CRELD1: variants seen among roughly 807,000 people sequenced by gnomAD.
CRELD1 encodes the protein protein disulfide isomerase CRELD1.
Under a neutral mutation model 58.2 loss-of-function variants are expected in CRELD1, and 42 were observed. The observed-to-expected ratio is 0.72, with a 90% CI of 0.56 to 0.93. CRELD1 has a LOEUF of 0.93. Among genes scored for constraint, CRELD1 ranks in the 40% least tolerant of loss-of-function variants. CRELD1 has a pLI of 0.00. For missense variants in CRELD1, 500 were observed against 540.6 expected (o/e 0.92, Z 0.74); for synonymous variants, 222 against 202.0 (o/e 1.10, Z -0.84).
At chr3:9,937,972 C>T in intron 4 of CRELD1, 43 bp from the exon 5 acceptor site, 1 of 1,383,116 alleles carries the variant, frequency 7.2e-7, no homozygotes. Context: ...GACACTATCT[C>T]AGCACCTCCT....
At chr3:9,940,541 G>A (rs975670298) in intron 5 of CRELD1, among the ~76,000 whole-genome samples, 8 of 151,860 alleles carry the variant, frequency 5.3e-5, no homozygotes, top group Non-Finnish European at 8.8e-5. Context: ...GGTGGCGCGC[G>A]CCTGCAATCG....
intron 3 of CRELD1, chr3:9,936,132 C>T (rs558453959): frequency 6.6e-6 from 1 of 152,144 alleles, no homozygotes; most frequent in Non-Finnish European, 1.5e-5. Context: ...GGTTCTTAAC[C>T]TCTCAGAGCC....
At chr3:9,940,001 G>A (rs1048247739) in intron 5 of CRELD1, among the ~76,000 whole-genome samples, 2 of 151,818 alleles carry the variant, frequency 1.3e-5, no homozygotes, top group African/African-American at 2.4e-5. Context: ...CTGGCTGCCC[G>A]GCGGAGACAC....
At chr3:9,937,701 T>C (rs2085234725) in intron 4 of CRELD1, 29 bp downstream of exon 4, 1 of 1,501,848 alleles carries the variant, frequency 6.7e-7, no homozygotes, top group Non-Finnish European at 9.2e-7. Flanking sequence ...TCCCTGGAAG[T>C]GGGTCACAGG....
chr3:9,933,838 T>A lies in CRELD1; in HGVS notation c.-102T>A, dbSNP rs981604824. 1 of 529,274 alleles carries A rather than the reference T, an allele frequency of 1.9e-6. No homozygotes were observed. The highest frequency in any genetic ancestry group is 3.3e-6 in the Non-Finnish European group (1 of 300,982). The allele number at this position is 529,274 out of a possible 1,614,324, so 32.8% of individuals were successfully genotyped here. On this transcript the variant is annotated 5_prime_UTR_variant, in exon 1 of 11. Coordinates refer to ENST00000452070, the MANE Select transcript of CRELD1 (RefSeq NM_001077415.3). ...TGGGGGTTGTGCGTTTTACGCAGGC[T>A]GTGGCAGCGACGCGGTGAGGAGACG...
rs537953382 is a variant in CRELD1 at position 9,939,073 on chromosome 3, G to C, written c.460+967G>C. 1.1e-4 allele frequency among the ~76,000 whole-genome samples: 16 copies of C among 151,852 alleles called. No individual in the cohort carries two copies. The South Asian group carries it at 1.2e-3, about 12-fold the overall frequency. On this transcript the variant is annotated intron_variant, in intron 5 of 10. Transcript: ENST00000452070. ...AGGTGGGAGGATTGCTTGAGCCCAG[G>C]AGTTCGAAGCTGCAGTGAGCTATGA... is the stretch of plus-strand genomic sequence containing the variant.
intron 5 of CRELD1, among the ~76,000 whole-genome samples, chr3:9,939,430 T>C (rs1380598214): frequency 6.6e-6 from 1 of 152,182 alleles, no homozygotes; most frequent in Non-Finnish European, 1.5e-5. Flanking sequence ...GGTCAGCAGA[T>C]AAACAAGTGA....
Position 9,942,902 on chromosome 3 carries a change from T to C in CRELD1, c.817+6T>C. 1 of 1,612,582 alleles carries C rather than the reference T, an allele frequency of 6.2e-7. No individual in the cohort carries two copies. Among genetic ancestry groups the C allele is most frequent in the Non-Finnish European group, 8.5e-7 (1 of 1,178,604 alleles). ...GGGCTCCTATGAGTGCCGAGGTCAG[T>C]GTCTACTTCTGCAGAGGAGGGGACG... On this transcript the variant is annotated splice_donor_region_variant and intron_variant, in intron 8 of 10. Transcript: ENST00000452070.
At chr3:9,940,424 G>A (rs1289485078) in intron 5 of CRELD1, among the ~76,000 whole-genome samples, 5 of 152,064 alleles carry the variant, frequency 3.3e-5, no homozygotes, top group African/African-American at 4.8e-5. Flanking sequence ...CCGGCACCTC[G>A]GGAGGCCGAG....
rs1438320553 is a variant in CRELD1 at position 9,943,903 on chromosome 3, T to G, written c.1048+388T>G. 1 of 1,597,254 alleles carries G rather than the reference T, an allele frequency of 6.3e-7. No individual in the cohort carries two copies. The highest frequency in any genetic ancestry group is 1.3e-5 in the African/African-American group (1 of 74,676). ...TTACTGTGTCAGATGCTGTTCTAGG[T>G]GCATTCCCCATCTTAACTGATTTAA... On this transcript the variant is annotated intron_variant, in intron 10 of 10. Transcript: ENST00000452070.
At chr3:9,935,016 T>G in intron 3 of CRELD1, 99 bp downstream of exon 3, 2 of 987,740 alleles carry the variant, frequency 2.0e-6, no homozygotes, top group Non-Finnish European at 3.0e-6. Context: ...ACTTATTCAT[T>G]CAACAAATAG....
At position 9,944,593 on chromosome 3, in the gene CRELD1, C is replaced by A. The variant is rs985603222; in HGVS notation, c.*14C>A. 6.3e-7 allele frequency: 1 copy of A among 1,587,662 alleles called. No homozygotes were observed. Among genetic ancestry groups the A allele is most frequent in the South Asian group, 1.1e-5 (1 of 89,706 alleles). Reference sequence around the variant, plus strand: ...AAGGGCAGATAATCGCGGCCACCACCTGTAGGACCTCCTCCCACCCACGCT... The same window carrying A: ...AAGGGCAGATAATCGCGGCCACCACATGTAGGACCTCCTCCCACCCACGCT... On this transcript the variant is annotated 3_prime_UTR_variant, in exon 11 of 11. Transcript: ENST00000452070.
At chr3:9,937,731 C>T (rs2085235447) in intron 4 of CRELD1, 59 bp downstream of exon 4, 1 of 1,232,406 alleles carries the variant, frequency 8.1e-7, no homozygotes, top group Non-Finnish European at 1.2e-6. Flanking sequence ...GTGATAAGGC[C>T]TGATTTGGCC....
chr3:9,943,718 TC>T, intron 10 of CRELD1: 1 of 985,424 alleles, frequency 1.0e-6, no homozygotes, highest in South Asian at 4.7e-5. Flanking sequence ...ACAAAGGGAA[TC>T]AGACCTGGCA....
chr3:9,938,988 C>T (rs1036655557), intron 5 of CRELD1, among the ~76,000 whole-genome samples: 4 of 151,848 alleles, frequency 2.6e-5, no homozygotes, highest in Admixed American at 2.0e-4. Context: ...GAGCAAGACC[C>T]TGTCTCTTAA....
At chr3:9,941,272 C>T in intron 7 of CRELD1, 66 bp downstream of exon 7, 1 of 1,408,674 alleles carries the variant, frequency 7.1e-7, no homozygotes, top group Non-Finnish European at 9.9e-7. Flanking sequence ...TTTATTCTCT[C>T]AACACAAGCC....
chr3:9,938,283 T>G, intron 5 of CRELD1, 177 bp downstream of exon 5: 1 of 643,508 alleles, frequency 1.6e-6, no homozygotes. Flanking sequence ...GGGAAAGGCT[T>G]GGAGAAAGCA....
At chr3:9,936,388 C>T (rs2124824138) in intron 3 of CRELD1, 1 of 152,098 alleles carries the variant, frequency 6.6e-6, no homozygotes, top group South Asian at 2.1e-4. Flanking sequence ...TTTTTTAAAT[C>T]ACCTCCTATA....
intron 3 of CRELD1, chr3:9,936,347 C>G (rs944197778): frequency 6.6e-6 from 1 of 152,134 alleles, no homozygotes; most frequent in Non-Finnish European, 1.5e-5. Context: ...AGAGGCACTT[C>G]CAGCTTTGTA....
Sources: gnomAD v4.1 joint callset for allele counts (sites outside exome capture counted in the v4.1 genomes callset) on GRCh38, gnomAD v4.1.1 for gene constraint, MANE v1.5 for transcripts, NCBI Gene and HGNC (gene_info 2026-07-23, HGNC 2026-07-21) for gene names.